The following FAIM variants were observed in gnomAD, a reference collection of about 807,000 sequenced individuals.
The protein encoded by FAIM is Fas apoptotic inhibitory molecule.
A neutral mutation model predicts 21.2 loss-of-function variants in FAIM; 14 were observed. That is an observed-to-expected ratio of 0.66 (90% CI 0.44 to 1.03). FAIM has a LOEUF of 1.03. Ranked by LOEUF, FAIM falls within the 50% of genes least tolerant of loss-of-function variation. The probability of loss-of-function intolerance (pLI) is 0.00; values close to 1 mark genes in which losing one functional copy is unlikely to be tolerated. For synonymous variants in FAIM, 86 were observed against 80.4 expected, an observed-to-expected ratio of 1.07 and a Z score of -0.37; for missense variants, 222 against 247.1, an observed-to-expected ratio of 0.90 and a Z score of 0.68.
intron 4 of FAIM, among the ~76,000 whole-genome samples, chr3:138,628,452 A>G (rs2042963853): frequency 6.6e-6 from 1 of 150,998 alleles, no homozygotes; most frequent in Non-Finnish European, 1.5e-5. Context: ...ATTCATCTGT[A>G]TGCATCCTTC....
chr3:138,630,485 G>C (rs185241018), intron 5 of FAIM: 94 of 152,260 alleles, frequency 6.2e-4, no homozygotes, highest in African/African-American at 2.0e-3. Flanking sequence ...AAATTTAAAA[G>C]TTACGAAGAT....
intron 1 of FAIM, among the ~76,000 whole-genome samples, chr3:138,616,902 G>A (rs1205990304): frequency 6.6e-6 from 1 of 152,066 alleles, no homozygotes; most frequent in Non-Finnish European, 1.5e-5. Flanking sequence ...GAATTAGAAT[G>A]CTTCAAATTT....
At chr3:138,626,369 A>G (rs1199042263) in intron 4 of FAIM, among the ~76,000 whole-genome samples, 1 of 152,198 alleles carries the variant, frequency 6.6e-6, no homozygotes, top group East Asian at 1.9e-4. Context: ...CCCATCTGCC[A>G]TGTTCCCCCA....
chr3:138,629,070 A>G (rs777576711), intron 4 of FAIM, 37 bp from the exon 5 acceptor site: 1 of 1,485,496 alleles, frequency 6.7e-7, no homozygotes, highest in East Asian at 2.3e-5. Context: ...TTTAAATCAC[A>G]GAATTATAAC....
rs1254394223 is a variant in FAIM at position 138,622,240 on chromosome 3, A to G, written c.230A>G (p.Tyr77Cys). 6.2e-7 allele frequency: 1 copy of G among 1,612,600 alleles called. No individual in the cohort carries two copies. The change falls in exon 4 of 6, where the codon TAT becomes TGT. Residue 77 changes from tyrosine (Y) to cysteine (C), a missense_variant. By Grantham distance (194) the Tyr-to-Cys change is radical. Coordinates refer to ENST00000360570, the MANE Select transcript of FAIM (RefSeq NM_001033031.2). ...AAATTAGTGGGCAAAGAAACATTCT[A>G]TGTTGGAGCTGCAAAGACAAAAGCG... Reference protein sequence around the residue: ...MFKLVGKETFYVGAAKTKATI... With the variant: ...MFKLVGKETFCVGAAKTKATI...
intron 1 of FAIM, among the ~76,000 whole-genome samples, chr3:138,617,441 AAT>A (rs1247829348): frequency 6.8e-6 from 1 of 146,890 alleles, no homozygotes; most frequent in Non-Finnish European, 1.5e-5. Context: ...TATGTATATA[AAT>A]ATATATATAG....
chr3:138,625,201 A>C (rs2042926714), intron 4 of FAIM, among the ~76,000 whole-genome samples: 1 of 152,022 alleles, frequency 6.6e-6, no homozygotes, highest in East Asian at 1.9e-4. Flanking sequence ...GGTAGCTCAC[A>C]CCTGTAATCC....
rs762304798 is a variant in FAIM at position 138,629,116 on chromosome 3, C to T, written c.416C>T (p.Ala139Val). Residue 139 changes from alanine to valine, a missense_variant, in exon 5 of 6, where the codon GCT (alanine) becomes GTT (valine). Coordinates refer to ENST00000360570, the MANE Select transcript of FAIM (RefSeq NM_001033031.2). The stretch of plus-strand genomic sequence containing the variant: ...TATGTTACCTTTACAGAAAAAGATG[C>T]TATGGACGTATGGTGCAATGGTAAA... The part of the protein sequence containing the change: ...ENFRIVLEKD[A>V]MDVWCNGKKL... 3.7e-6 allele frequency: 6 copies of T among 1,608,986 alleles called. No homozygotes were observed. Among genetic ancestry groups the T allele is most frequent in the South Asian group, 1.1e-5 (1 of 90,556 alleles).
At chr3:138,610,654 C>T (rs544157991) in intron 1 of FAIM, 5 of 233,294 alleles carry the variant, frequency 2.1e-5, no homozygotes, top group Non-Finnish European at 8.4e-6. Context: ...ATGATCTCGG[C>T]TCACTGCAAC....
chr3:138,621,006 C>T (rs1004057902), intron 2 of FAIM, among the ~76,000 whole-genome samples: 3 of 151,962 alleles, frequency 2.0e-5, no homozygotes, highest in African/African-American at 7.3e-5. Flanking sequence ...AGTGATTAGA[C>T]CTGAAAAAGA....
At chr3:138,620,603 C>G (rs1268105852) in intron 2 of FAIM, among the ~76,000 whole-genome samples, 2 of 152,140 alleles carry the variant, frequency 1.3e-5, no homozygotes, top group Non-Finnish European at 2.9e-5. Context: ...TAAGATGGCT[C>G]TCTTACCTCA....
In FAIM at chr3:138,628,465, TTTTATTTATTTA is replaced by T. The variant is rs58887564; in HGVS notation, c.407-618_407-607del. Reference sequence around the variant, plus strand: ...ACATTCATCTGTATGCATCCTTCTTTTTTATTTATTTATTTATTTATTTATTTATTTATTTTT... The same window carrying T: ...ACATTCATCTGTATGCATCCTTCTTTTTTATTTATTTATTTATTTATTTTT... On this transcript the variant is annotated intron_variant, in intron 4 of 5. Coordinates refer to ENST00000360570, the MANE Select transcript of FAIM (RefSeq NM_001033031.2). Among the ~76,000 whole-genome samples the T allele has an allele frequency of 1.9e-4, 29 of 149,186 alleles. 1 individual carries two copies. The highest frequency in any genetic ancestry group is 4.5e-4 in the African/African-American group (18 of 39,784).
chr3:138,631,829 G>A (rs144417138), intron 5 of FAIM, among the ~76,000 whole-genome samples: 1 of 152,194 alleles, frequency 6.6e-6, no homozygotes, highest in Non-Finnish European at 1.5e-5. Flanking sequence ...CTGCACCCAA[G>A]GACATGCTTG....
intron 5 of FAIM, chr3:138,630,113 G>C (rs1338867350): frequency 6.6e-6 from 1 of 152,270 alleles, no homozygotes; most frequent in Non-Finnish European, 1.5e-5. Flanking sequence ...ATCAGGGCTA[G>C]AGATAATCGG....
chr3:138,615,179 C>T (rs1432827985), intron 1 of FAIM, among the ~76,000 whole-genome samples: 2 of 152,184 alleles, frequency 1.3e-5, no homozygotes, highest in African/African-American at 4.8e-5. Context: ...TGGCTGTCTC[C>T]TGTAATTTTT....
At chr3:138,628,383 G>A (rs1235633750) in intron 4 of FAIM, among the ~76,000 whole-genome samples, 2 of 152,138 alleles carry the variant, frequency 1.3e-5, no homozygotes, top group African/African-American at 4.8e-5. Flanking sequence ...AGTGTGGGAG[G>A]CAGGGGAGTC....
At chr3:138,616,056 T>C (rs895719564) in intron 1 of FAIM, among the ~76,000 whole-genome samples, 3 of 152,202 alleles carry the variant, frequency 2.0e-5, no homozygotes, top group African/African-American at 7.2e-5. Flanking sequence ...TGTTAGAAAG[T>C]TGGATAGGTA....
chr3:138,627,221 G>A (rs1057336367), intron 4 of FAIM, among the ~76,000 whole-genome samples: 5 of 147,580 alleles, frequency 3.4e-5, no homozygotes, highest in East Asian at 2.0e-4. Flanking sequence ...TCACTCTGTC[G>A]CCCAGGCTGG....
At chr3:138,611,647 T>G (rs577911839) in intron 1 of FAIM, among the ~76,000 whole-genome samples, 4 of 152,330 alleles carry the variant, frequency 2.6e-5, no homozygotes, top group African/African-American at 9.6e-5. Context: ...GTTTGGGTCA[T>G]GGGGGCTGAT....
Sources: allele counts gnomAD v4.1 joint callset (sites outside exome capture counted in the v4.1 genomes callset), GRCh38; gene constraint gnomAD v4.1.1; transcripts MANE v1.5; gene names NCBI Gene and HGNC (gene_info 2026-07-23, HGNC 2026-07-21).